The following GPC5 variants were observed in gnomAD, a reference collection of about 807,000 sequenced individuals.
GPC5 encodes glypican 5.
Under a neutral mutation model 53.9 loss-of-function variants are expected in GPC5, and 47 were observed. The observed-to-expected ratio is 0.87, with a 90% confidence interval of 0.69 to 1.11. The LOEUF (loss-of-function observed/expected upper bound fraction) is 1.11, where lower values mean the gene tolerates loss of function less well. Ranked by LOEUF, GPC5 falls within the 50% of genes most tolerant of loss-of-function variation. The pLI, the probability that GPC5 is intolerant of heterozygous loss-of-function variation, is 0.00. For synonymous variants in GPC5, 286 were observed against 263.3 expected, an observed-to-expected ratio of 1.09 and a Z score of -0.84; for missense variants, 748 against 713.1, an observed-to-expected ratio of 1.05 and a Z score of -0.56.
At chr13:92,579,359 A>G (rs974422627) in intron 7 of GPC5, among the ~76,000 whole-genome samples, 4 of 141,878 alleles carry the variant, frequency 2.8e-5, no homozygotes, top group Non-Finnish European at 4.5e-5. Flanking sequence ...ACCCTTCCCA[A>G]CTGATGTAGT....
At chr13:91,728,741 A>T (rs1356742255) in intron 4 of GPC5, 76 bp downstream of exon 4, 6 of 1,353,924 alleles carry the variant, frequency 4.4e-6, no homozygotes, top group Non-Finnish European at 5.9e-6. Flanking sequence ...GAACATATTC[A>T]ATTAAATCGA....
chr13:92,491,860 T>C (rs942969033), intron 7 of GPC5, among the ~76,000 whole-genome samples: 2 of 152,304 alleles, frequency 1.3e-5, no homozygotes, highest in Middle Eastern at 3.4e-3. Flanking sequence ...TTTCTTTTTA[T>C]TTGCCCTCAG....
intron 5 of GPC5, among the ~76,000 whole-genome samples, chr13:91,873,403 A>G (rs1344043546): frequency 1.3e-5 from 2 of 152,082 alleles, no homozygotes; most frequent in Non-Finnish European, 2.9e-5. Context: ...CTTGAATTGT[A>G]ACCCCCCACA....
At chr13:91,799,560 A>C (rs1214615407) in intron 5 of GPC5, among the ~76,000 whole-genome samples, 1 of 128,598 alleles carries the variant, frequency 7.8e-6, no homozygotes, top group African/African-American at 3.6e-5. Context: ...TTCTTTGTTT[A>C]TGTCTCTTCC....
intron 6 of GPC5, chr13:91,995,390 T>G (rs913961854): frequency 6.6e-6 from 1 of 152,224 alleles, no homozygotes; most frequent in African/African-American, 2.4e-5. Flanking sequence ...GAGATTGTTC[T>G]TCTAGACCAA....
chr13:91,720,547 G>C (rs975888226), intron 3 of GPC5, among the ~76,000 whole-genome samples: 1 of 152,060 alleles, frequency 6.6e-6, no homozygotes, highest in Non-Finnish European at 1.5e-5. Context: ...CCAAGAATCA[G>C]TCTTCAGCAC....
intron 7 of GPC5, among the ~76,000 whole-genome samples, chr13:92,481,595 C>T (rs1400873549): frequency 6.6e-6 from 1 of 152,180 alleles, no homozygotes; most frequent in Non-Finnish European, 1.5e-5. Flanking sequence ...CAGAATTAGG[C>T]TGCATGACCA....
At chr13:92,616,578 A>C (rs1231654565) in intron 7 of GPC5, among the ~76,000 whole-genome samples, 4 of 152,230 alleles carry the variant, frequency 2.6e-5, no homozygotes, top group African/African-American at 9.6e-5. Flanking sequence ...CTATTTTACT[A>C]TAATATATTT....
At chr13:91,797,646 C>T (rs2038067482) in intron 5 of GPC5, among the ~76,000 whole-genome samples, 2 of 152,176 alleles carry the variant, frequency 1.3e-5, no homozygotes, top group South Asian at 2.1e-4. Context: ...AAGAGCTCTA[C>T]ATCTGCCTCT....
intron 6 of GPC5, among the ~76,000 whole-genome samples, chr13:92,123,733 C>T (rs2041670245): frequency 6.6e-6 from 1 of 151,960 alleles, no homozygotes; most frequent in African/African-American, 2.4e-5. Context: ...TTATGAATGC[C>T]CTATACATTT....
chr13:92,390,290 T>A (rs1197755548), intron 7 of GPC5, among the ~76,000 whole-genome samples: 1 of 152,166 alleles, frequency 6.6e-6, no homozygotes, highest in Non-Finnish European at 1.5e-5. Context: ...TATGAGCCAG[T>A]GACTTGTCTG....
Position 92,334,259 on chromosome 13 carries a change from C to T in GPC5, c.1561+189270C>T, listed in dbSNP as rs113960729. On this transcript the variant is annotated intron_variant, in intron 7 of 7. Coordinates refer to ENST00000377067, the MANE Select transcript of GPC5 (RefSeq NM_004466.6). ...GAAGGAGGAGCAAAGGCATGTCTTACATGGCAGCAGGCAAGAGAGCATGCT... is the reference window on the plus strand; with the variant it reads ...GAAGGAGGAGCAAAGGCATGTCTTATATGGCAGCAGGCAAGAGAGCATGCT... Among the ~76,000 whole-genome samples the T allele has an allele frequency of 8.2e-3, 1,250 of 152,264 alleles. 15 individuals carry two copies. The highest frequency in any genetic ancestry group is 0.028 in the African/African-American group (1,172 of 41,558).
chr13:91,528,077 C>T (rs1056982226), intron 2 of GPC5, among the ~76,000 whole-genome samples: 61 of 152,326 alleles, frequency 4.0e-4, no homozygotes, highest in African/African-American at 1.4e-3. Context: ...TAATATTCAA[C>T]TTCTCATTAT....
At chr13:92,368,634 T>C (rs958510557) in intron 7 of GPC5, among the ~76,000 whole-genome samples, 12 of 66,320 alleles carry the variant, frequency 1.8e-4, no homozygotes, top group Non-Finnish European at 3.2e-4. Context: ...AAGACTGTCT[T>C]AAAAAAAAAA....
intron 6 of GPC5, among the ~76,000 whole-genome samples, chr13:91,975,753 C>A (rs1462032337): frequency 1.3e-5 from 2 of 152,274 alleles, no homozygotes; most frequent in African/African-American, 4.8e-5. Context: ...CCATTTGACC[C>A]AGCCATCCCA....
At chr13:92,710,310 T>G (rs1888089874) in intron 7 of GPC5, among the ~76,000 whole-genome samples, 1 of 138,518 alleles carries the variant, frequency 7.2e-6, no homozygotes, top group South Asian at 2.3e-4. Flanking sequence ...AATGTTGAAC[T>G]CACTAATGTC....
chr13:92,724,760 G>A (rs934335745), intron 7 of GPC5, among the ~76,000 whole-genome samples: 1 of 151,440 alleles, frequency 6.6e-6, no homozygotes, highest in African/African-American at 2.4e-5. Flanking sequence ...TTTCAGATAT[G>A]CAAAATGAGC....
chr13:91,795,260 G>A (rs2038028489), intron 5 of GPC5, among the ~76,000 whole-genome samples: 1 of 152,142 alleles, frequency 6.6e-6, no homozygotes, highest in Admixed American at 6.5e-5. Flanking sequence ...TTAAAAATGT[G>A]TATATTGGTT....
chr13:92,029,919 A>T (rs531377027), intron 6 of GPC5, among the ~76,000 whole-genome samples: 28 of 152,272 alleles, frequency 1.8e-4, no homozygotes, highest in African/African-American at 6.7e-4. Context: ...CAGAAAATTA[A>T]CCATGAATCC....
Sources: allele counts gnomAD v4.1 joint callset (sites outside exome capture counted in the v4.1 genomes callset), GRCh38; gene constraint gnomAD v4.1.1; transcripts MANE v1.5; gene names NCBI Gene and HGNC (gene_info 2026-07-23, HGNC 2026-07-21).